CCP110: variants seen among roughly 807,000 people sequenced by gnomAD.
CCP110 encodes the protein centriolar coiled-coil protein of 110 kDa.
CCP110 carries 43 observed loss-of-function variants against 105.5 expected under a neutral mutation model. That is an observed-to-expected ratio of 0.41 (90% CI 0.32 to 0.53). The LOEUF is 0.53. CCP110 is among the 20% of genes least tolerant of loss of function. CCP110 has a pLI of 0.32. For missense variants in CCP110, 1,016 were observed against 1,189.1 expected, an observed-to-expected ratio of 0.85 and a Z score of 2.14; for synonymous variants, 353 against 392.1, an observed-to-expected ratio of 0.90 and a Z score of 1.18.
chr16:19,539,121 A>T lies in CCP110; in HGVS notation c.1918+1534A>T, dbSNP rs78389395. The stretch of plus-strand genomic sequence containing the variant: ...AGCCAGATTCCATCTCAAAAAAAAA[A>T]AATAATAATAATAAAGGTTCTTAAT... On this transcript the variant is annotated intron_variant, in intron 4 of 14. Coordinates refer to ENST00000381396, the Ensembl canonical transcript of CCP110. 9.8e-3 allele frequency among the ~76,000 whole-genome samples: 1,075 copies of T among 109,262 alleles called. 10 individuals carry two copies. The highest frequency in any genetic ancestry group is 0.039 in the African/African-American group (825 of 20,938). 71.7% of individuals were successfully genotyped at this position (109,262 alleles called of 152,430 possible). A position where few individuals can be genotyped will look rare whatever the true frequency, so the allele number is the denominator to read the frequency against.
chr16:19,534,269 G>A (rs187848046), intron 3 of CCP110, among the ~76,000 whole-genome samples: 128 of 152,260 alleles, frequency 8.4e-4, no homozygotes, highest in Non-Finnish European at 7.4e-5. Flanking sequence ...AATGAAAATG[G>A]CATATCATTC....
Position 19,544,816 on chromosome 16 carries a change from G to A in CCP110, c.2504G>A (p.Arg835Lys), listed in dbSNP as rs757554233. The A allele has an allele frequency of 3.2e-6, 5 of 1,576,504 alleles. No individual in the cohort carries two copies. In the Admixed American group the frequency reaches 6.8e-5, roughly 21 times the overall value. The change falls in exon 9 of 15, where the codon AGA becomes AAA. Residue 835 changes from arginine to lysine, a missense_variant. Arg to Lys is a conservative substitution (Grantham distance 26). Transcript: ENST00000381396. ...TTTCAGGATACTATGGAATTCATAA[G>A]AAGTTTTCAGTCAGAAGCACCATTA...
At chr16:19,533,692 A>C (rs1053277009) in intron 3 of CCP110, among the ~76,000 whole-genome samples, 6 of 152,182 alleles carry the variant, frequency 3.9e-5, no homozygotes, top group African/African-American at 1.2e-4. Context: ...GATGATTTCT[A>C]GTCATCTTTG....
At chr16:19,544,286 G>A (rs559402754) in intron 8 of CCP110, among the ~76,000 whole-genome samples, 3 of 152,266 alleles carry the variant, frequency 2.0e-5, no homozygotes, top group South Asian at 4.1e-4. Flanking sequence ...ACATGTAAAT[G>A]AAGCAGTTTG....
chr16:19,539,355 C>CT (rs535078318), intron 4 of CCP110, among the ~76,000 whole-genome samples: 31 of 143,068 alleles, frequency 2.2e-4, no homozygotes, highest in South Asian at 2.2e-4. Flanking sequence ...ACCTGTGCAA[C>CT]TTTTTTTTTT....
chr16:19,541,861 T>C (rs17325092), intron 5 of CCP110, 26 bp from the exon 6 acceptor site: 648,832 of 1,415,866 alleles, frequency 0.46, 162,352 homozygotes, highest in Non-Finnish European at 0.51. Flanking sequence ...AGGTTTAGCA[T>C]GTTACAATAA....
At chr16:19,535,831 G>C (rs1970031992) in intron 3 of CCP110, 109 bp from the exon 4 acceptor site, 2 of 772,098 alleles carry the variant, frequency 2.6e-6, no homozygotes, top group African/African-American at 3.6e-5. Flanking sequence ...TTTATGTTTT[G>C]AAATGTCAGA....
chr16:19,545,038 C>A, intron 9 of CCP110, 56 bp from the exon 10 acceptor site: 4 of 1,145,608 alleles, frequency 3.5e-6, no homozygotes. Context: ...TATAGTATTC[C>A]TGAACTCTAA....
exon 15 of CCP110, chr16:19,553,010 C>T (rs1352669572): frequency 6.6e-6 from 1 of 152,180 alleles, no homozygotes; most frequent in Non-Finnish European, 1.5e-5. Context: ...TCTGAAAACT[C>T]AGGATACAGC....
chr16:19,548,154 A>AT lies in CCP110; in HGVS notation c.2900+144dup. ...TTTTCTTTATAGCATTGGGAAAGAT[A>AT]TTTTAAAGTTTTGTCTTCAAATGTA... On this transcript the variant is annotated intron_variant, in intron 13 of 14. Coordinates refer to ENST00000381396, the Ensembl canonical transcript of CCP110. The surrounding 1 kb of genome is among the most constrained non-coding windows in gnomAD (Gnocchi z 4.1). The AT allele has an allele frequency of 2.8e-6, 2 of 715,160 alleles. No homozygotes were observed. The highest frequency in any genetic ancestry group is 5.0e-5 in the East Asian group (2 of 40,388). The allele number at this position is 715,160 out of a possible 1,614,324, so 44.3% of individuals were successfully genotyped here.
exon 4 of CCP110, chr16:19,537,329 T>C (rs148151798): frequency 1.9e-5 from 31 of 1,614,194 alleles, no homozygotes; most frequent in Non-Finnish European, 2.5e-5. Flanking sequence ...TTCTCCTTTA[T>C]TGATGCAAAA....
rs760033277 is a variant in CCP110 at position 19,540,794 on chromosome 16, A to G, written c.2049+7A>G. ...ACAAGAAAGACTGCAAAAGGTGAGGAATGTGGAGGGAGATACAACTGGTAA... is the reference window on the plus strand; with the variant it reads ...ACAAGAAAGACTGCAAAAGGTGAGGGATGTGGAGGGAGATACAACTGGTAA... On this transcript the variant is annotated splice_region_variant and intron_variant, in intron 5 of 14. Coordinates refer to ENST00000381396, the Ensembl canonical transcript of CCP110. The G allele has an allele frequency of 5.6e-6, 9 of 1,611,752 alleles. No individual in the cohort carries two copies. Among genetic ancestry groups the G allele is most frequent in the South Asian group, 1.1e-5 (1 of 90,328 alleles).
rs1277675234 is a variant in CCP110, at chr16:19,548,630, T to A, written c.2986+30T>A. On this transcript the variant is annotated intron_variant, in intron 14 of 14. Coordinates refer to ENST00000381396, the Ensembl canonical transcript of CCP110. The surrounding 1 kb of genome is among the most constrained non-coding windows in gnomAD (Gnocchi z 4.1). ...GTAGAAAATAAATTCCTGAAGCCCA[T>A]TCAATAGAAGGAAGTGCACAAGCTG... 7.1e-7 allele frequency: 1 copy of A among 1,403,158 alleles called. No homozygotes were observed. The highest frequency in any genetic ancestry group is 1.4e-5 in the African/African-American group (1 of 69,886). 86.9% of individuals were successfully genotyped at this position (1,403,158 alleles called of 1,614,324 possible).
At chr16:19,544,108 A>G (rs966966117) in intron 8 of CCP110, among the ~76,000 whole-genome samples, 25 of 152,246 alleles carry the variant, frequency 1.6e-4, no homozygotes, top group African/African-American at 6.0e-4. Flanking sequence ...TCCTACCAAT[A>G]TGTGATGTCC....
Position 19,551,387 on chromosome 16 carries a change from T to C in CCP110, c.*139T>C, listed in dbSNP as rs543276633. 2.8e-4 allele frequency: 211 copies of C among 746,832 alleles called. 2 individuals carry two copies. In the South Asian group the frequency reaches 3.2e-3, roughly 11 times the overall value. The allele number at this position is 746,832 out of a possible 1,614,324, so 46.3% of individuals were successfully genotyped here. The stretch of plus-strand genomic sequence containing the variant: ...GAAGGCTGAGCACTTATCTGGATCA[T>C]TTGGTCAGTTTGGTAATTCCTGCTC... On this transcript the variant is annotated 3_prime_UTR_variant, in exon 15 of 15. Coordinates refer to ENST00000381396, the Ensembl canonical transcript of CCP110.
chr16:19,540,410 G>C (rs1970235194), intron 4 of CCP110, among the ~76,000 whole-genome samples: 2 of 152,210 alleles, frequency 1.3e-5, no homozygotes, highest in Non-Finnish European at 2.9e-5. Context: ...TCCTGGGTCT[G>C]TCATTTCAGA....
chr16:19,547,843 T>C, intron 12 of CCP110, 112 bp from the exon 13 acceptor site: 1 of 756,066 alleles, frequency 1.3e-6, no homozygotes. Flanking sequence ...TAGGCCATAT[T>C]ATTGCATAGT....
chr16:19,530,244 C>CTATT (rs1266980550), intron 2 of CCP110, among the ~76,000 whole-genome samples: 1 of 152,028 alleles, frequency 6.6e-6, no homozygotes, highest in Non-Finnish European at 1.5e-5. Context: ...GAGACCAGAG[C>CTATT]TATTGTCTTG....
intron 3 of CCP110, 115 bp downstream of exon 3, chr16:19,532,659 G>C (rs12927277): frequency 0.15 from 119,818 of 799,868 alleles, 9,424 homozygotes; most frequent in Middle Eastern, 0.21. Context: ...TTACTGTTAC[G>C]TTTGAGAAGC....
Sources: allele counts gnomAD v4.1 joint callset (sites outside exome capture counted in the v4.1 genomes callset), GRCh38; gene constraint gnomAD v4.1.1; non-coding constraint Gnocchi (gnomAD v3.1); transcripts MANE v1.5; gene names NCBI Gene and HGNC (gene_info 2026-07-23, HGNC 2026-07-21).